Variants in STK31 observed in about 807,000 individuals in gnomAD.
The protein encoded by STK31 is serine/threonine kinase 31, also known as serine/threonine-protein kinase 31.
STK31 carries 89 observed loss-of-function variants against 129.7 expected under a neutral mutation model. The observed-to-expected ratio is 0.69, with a 90% CI of 0.58 to 0.82. STK31 has a LOEUF of 0.82. STK31 is among the 40% of genes least tolerant of loss of function. The pLI, the probability that STK31 is intolerant of heterozygous loss-of-function variation, is 0.00. For synonymous variants in STK31, 448 were observed against 395.3 expected (o/e 1.13, Z -1.58); for missense variants, 1,187 against 1,176.4 (o/e 1.01, Z -0.13).
chr7:23,797,705 C>A (rs1215278738), intron 22 of STK31, among the ~76,000 whole-genome samples: 1 of 151,944 alleles, frequency 6.6e-6, no homozygotes, highest in Non-Finnish European at 1.5e-5. Flanking sequence ...AAAAGATCTA[C>A]AGAAGCAAGA....
chr7:23,747,139 G>T (rs1300139347), intron 8 of STK31, among the ~76,000 whole-genome samples: 1 of 151,948 alleles, frequency 6.6e-6, no homozygotes, highest in East Asian at 1.9e-4. Context: ...CTTTCTTTTT[G>T]TGTAATGTTG....
At chr7:23,721,651 T>C in intron 4 of STK31, 1 of 835,488 alleles carries the variant, frequency 1.2e-6, no homozygotes, top group Non-Finnish European at 2.1e-6. Flanking sequence ...CCAAGCCCTG[T>C]GGATTCCTGA....
intron 9 of STK31, among the ~76,000 whole-genome samples, chr7:23,753,097 A>G (rs984930941): frequency 3.9e-5 from 6 of 152,234 alleles, no homozygotes; most frequent in Admixed American, 3.9e-4. Flanking sequence ...TTTAAGTGAT[A>G]GTTTGATGGG....
intron 23 of STK31, among the ~76,000 whole-genome samples, chr7:23,818,939 A>G (rs1445006857): frequency 6.6e-6 from 1 of 152,186 alleles, no homozygotes; most frequent in East Asian, 1.9e-4. Flanking sequence ...CTATTTTTAA[A>G]ATCAGCTTTC....
At chr7:23,716,776 C>T (rs1389858287) in intron 3 of STK31, among the ~76,000 whole-genome samples, 2 of 144,620 alleles carry the variant, frequency 1.4e-5, no homozygotes, top group African/African-American at 5.1e-5. Flanking sequence ...CCTTAAACGT[C>T]TCCTATTCTT....
chr7:23,754,263 C>T (rs12532929), intron 9 of STK31, 52 bp from the exon 10 acceptor site: 290,570 of 1,574,648 alleles, frequency 0.18, 28,265 homozygotes, highest in East Asian at 0.21. Context: ...CTTTTTCTCA[C>T]ACCAGCTTTC....
chr7:23,812,479 A>C (rs1268643116), intron 22 of STK31, among the ~76,000 whole-genome samples: 1 of 148,554 alleles, frequency 6.7e-6, no homozygotes. Context: ...ATCTTCTTCA[A>C]AATTTGGGAA....
intron 5 of STK31, 42 bp from the exon 6 acceptor site, chr7:23,729,049 A>C: frequency 1.3e-6 from 2 of 1,505,790 alleles, no homozygotes; most frequent in Non-Finnish European, 1.8e-6. Flanking sequence ...GGAAACATTT[A>C]ATCTGGGGTC....
intron 22 of STK31, among the ~76,000 whole-genome samples, chr7:23,801,009 T>C (rs1792334580): frequency 6.6e-6 from 1 of 152,248 alleles, no homozygotes; most frequent in Admixed American, 6.5e-5. Context: ...ATAAAGCTAC[T>C]GTGAACATGT....
At chr7:23,730,878 A>ATATATATATATATATATATATATTTTTT in intron 6 of STK31, among the ~76,000 whole-genome samples, 16 of 59,510 alleles carry the variant, frequency 2.7e-4, no homozygotes, top group Non-Finnish European at 4.6e-4. Flanking sequence ...ATATATATAT[A>ATATATATATATATATATATATATTTTTT]TTTTTTTTTT....
intron 10 of STK31, among the ~76,000 whole-genome samples, chr7:23,756,002 A>G (rs1409791887): frequency 6.6e-6 from 1 of 152,150 alleles, no homozygotes; most frequent in Non-Finnish European, 1.5e-5. Context: ...TCCATATGAA[A>G]TTTAAAATAG....
At chr7:23,731,812 A>G (rs1014576963) in intron 6 of STK31, among the ~76,000 whole-genome samples, 1 of 152,234 alleles carries the variant, frequency 6.6e-6, no homozygotes, top group Non-Finnish European at 1.5e-5. Flanking sequence ...GTGTTTAACA[A>G]TTTAAAGGCC....
chr7:23,716,943 C>G (rs1426868943), intron 3 of STK31, among the ~76,000 whole-genome samples: 2 of 151,178 alleles, frequency 1.3e-5, no homozygotes, highest in African/African-American at 4.9e-5. Context: ...TATAGGTGCA[C>G]ACTACCATGC....
chr7:23,760,918 G>T (rs1423410468), intron 10 of STK31, among the ~76,000 whole-genome samples: 1 of 152,006 alleles, frequency 6.6e-6, no homozygotes, highest in Admixed American at 6.6e-5. Flanking sequence ...CTCCTGCCTT[G>T]GCCTCCCAAA....
chr7:23,724,862 TTA>T (rs1786958497), intron 4 of STK31, among the ~76,000 whole-genome samples: 1 of 152,190 alleles, frequency 6.6e-6, no homozygotes, highest in African/African-American at 2.4e-5. Flanking sequence ...TTGTCTGAAT[TTA>T]TGTGTTCTTT....
At chr7:23,739,271 C>T (rs1361882302) in intron 8 of STK31, among the ~76,000 whole-genome samples, 2 of 152,170 alleles carry the variant, frequency 1.3e-5, no homozygotes, top group Non-Finnish European at 2.9e-5. Flanking sequence ...GCATAAATGT[C>T]TTCTTTTGAG....
intron 22 of STK31, among the ~76,000 whole-genome samples, chr7:23,800,217 G>A (rs1023009755): frequency 2.0e-5 from 3 of 152,218 alleles, no homozygotes; most frequent in Middle Eastern, 3.4e-3. Flanking sequence ...ATTTGACCCA[G>A]CAATCGCATT....
intron 15 of STK31, 59 bp from the exon 16 acceptor site, chr7:23,781,360 T>G (rs745787301): frequency 3.4e-5 from 45 of 1,305,912 alleles, no homozygotes; most frequent in Non-Finnish European, 4.9e-5. Context: ...ACTTGAATTC[T>G]TAAAAGAAGA....
At chr7:23,770,934 A>C in intron 13 of STK31, 71 bp from the exon 14 acceptor site, 1 of 1,447,192 alleles carries the variant, frequency 6.9e-7, no homozygotes, top group Non-Finnish European at 9.2e-7. Context: ...AAGTTTATCT[A>C]TTGTTATTGG....
Sources: gnomAD v4.1 joint callset for allele counts (sites outside exome capture counted in the v4.1 genomes callset) on GRCh38, gnomAD v4.1.1 for gene constraint, MANE v1.5 for transcripts, NCBI Gene and HGNC (gene_info 2026-07-23, HGNC 2026-07-21) for gene names.